Variants in RTN4IP1 observed in about 807,000 individuals in gnomAD.
The protein encoded by RTN4IP1 is NAD(P)H oxidoreductase RTN4IP1, mitochondrial.
Under a neutral mutation model 46.6 loss-of-function variants are expected in RTN4IP1, and 32 were observed. That is an observed-to-expected ratio of 0.69 (90% CI 0.52 to 0.92). The LOEUF is 0.92. Ranked by LOEUF, RTN4IP1 falls within the 40% of genes least tolerant of loss-of-function variation. The probability of loss-of-function intolerance (pLI) is 0.00; values close to 1 mark genes in which losing one functional copy is unlikely to be tolerated. For synonymous variants in RTN4IP1, 167 were observed against 161.8 expected (o/e 1.03, Z -0.24); for missense variants, 424 against 485.8 (o/e 0.87, Z 1.20).
At chr6:106,587,900 G>C in intron 6 of RTN4IP1, 38 bp from the exon 7 acceptor site, 1 of 1,545,622 alleles carries the variant, frequency 6.5e-7, no homozygotes. Flanking sequence ...TGGTTGTCAG[G>C]CTTTACACTG....
rs972934584 is a variant in RTN4IP1 at position 106,571,870 on chromosome 6, A to G, written c.*126T>C. ...GCCAAAATGGTGTGTTTATTTTTTA[A>G]AGCTTGTATCATGGAATGTATAATC... On this transcript the variant is annotated 3_prime_UTR_variant, in exon 9 of 9. Coordinates refer to ENST00000369063, the MANE Select transcript of RTN4IP1 (RefSeq NM_032730.5). The G allele has an allele frequency of 1.7e-6, 1 of 599,104 alleles. No homozygotes were observed. Among genetic ancestry groups the G allele is most frequent in the Non-Finnish European group, 3.0e-6 (1 of 337,524 alleles). The allele number at this position is 599,104 out of a possible 1,614,324, so 37.1% of individuals were successfully genotyped here.
At chr6:106,623,713 T>C (rs1776555244) in intron 1 of RTN4IP1, among the ~76,000 whole-genome samples, 1 of 152,262 alleles carries the variant, frequency 6.6e-6, no homozygotes, top group Admixed American at 6.5e-5. Context: ...GAACTTTTAG[T>C]ATTATCTTTT....
chr6:106,598,018 C>A lies in RTN4IP1; in HGVS notation c.669+4856G>T, dbSNP rs1775843967. Among the ~76,000 whole-genome samples the A allele has an allele frequency of 2.6e-5, 4 of 152,286 alleles. No individual in the cohort carries two copies. The South Asian group carries it at 8.3e-4, about 32-fold the overall frequency. Reference sequence around the variant, plus strand: ...ATTTCATCCATGTCCCTACAAAGGGCATGAACTCATCATTTTTTATGGCTG... The same window carrying A: ...ATTTCATCCATGTCCCTACAAAGGGAATGAACTCATCATTTTTTATGGCTG... On this transcript the variant is annotated intron_variant, in intron 5 of 8. Transcript: ENST00000369063.
chr6:106,604,295 T>C (rs183406216), intron 4 of RTN4IP1, among the ~76,000 whole-genome samples: 2 of 152,312 alleles, frequency 1.3e-5, no homozygotes, highest in Admixed American at 1.3e-4. Context: ...CCATTAAATG[T>C]AATTAAGCCA....
intron 4 of RTN4IP1, among the ~76,000 whole-genome samples, chr6:106,616,999 A>G (rs910686009): frequency 1.3e-5 from 2 of 151,596 alleles, no homozygotes; most frequent in Non-Finnish European, 3.0e-5. Context: ...CATGAATGGG[A>G]TTTGTGCTCT....
chr6:106,583,329 T>G lies in RTN4IP1; in HGVS notation c.1082A>C (p.Lys361Thr). 1.2e-6 allele frequency: 2 copies of G among 1,612,828 alleles called. No individual in the cohort carries two copies. The highest frequency in any genetic ancestry group is 1.7e-6 in the Non-Finnish European group (2 of 1,179,050). Residue 361 changes from lysine (K) to threonine (T), a missense_variant and splice_region_variant, in exon 8 of 9, where the codon AAG (lysine) becomes ACG (threonine). Lys to Thr is a moderately conservative substitution (Grantham distance 78, BLOSUM62 -1). Coordinates refer to ENST00000369063, the MANE Select transcript of RTN4IP1 (RefSeq NM_032730.5). The part of the protein sequence containing the change: ...DDIAELVDAG[K>T]IRPVIEQTFP... ...ATCCAGGTTTCCAGGTGCACGTACC[T>G]TTCCCGCATCCACCAGTTCTGCAAT...
chr6:106,586,702 T>C (rs1775494481), intron 7 of RTN4IP1, among the ~76,000 whole-genome samples: 1 of 152,184 alleles, frequency 6.6e-6, no homozygotes, highest in African/African-American at 2.4e-5. Context: ...ATGTATTCCA[T>C]TTTAACATCA....
chr6:106,621,112 A>G (rs563675637), intron 3 of RTN4IP1, among the ~76,000 whole-genome samples: 59 of 152,254 alleles, frequency 3.9e-4, no homozygotes, highest in African/African-American at 1.4e-3. Context: ...TCCACTGATG[A>G]CTAATCCATC....
intron 8 of RTN4IP1, among the ~76,000 whole-genome samples, chr6:106,575,327 T>A (rs756901487): frequency 1.3e-5 from 2 of 152,184 alleles, no homozygotes; most frequent in African/African-American, 4.8e-5. Flanking sequence ...CTTGGATTCA[T>A]GTGTGGGGTG....
chr6:106,577,742 G>C (rs147439299), intron 8 of RTN4IP1, among the ~76,000 whole-genome samples: 1 of 152,006 alleles, frequency 6.6e-6, no homozygotes, highest in Non-Finnish European at 1.5e-5. Flanking sequence ...GTAATCTCAG[G>C]GTCCTTATAA....
At chr6:106,581,705 G>A (rs1377768064) in intron 8 of RTN4IP1, among the ~76,000 whole-genome samples, 7 of 152,160 alleles carry the variant, frequency 4.6e-5, no homozygotes, top group African/African-American at 1.7e-4. Flanking sequence ...TCCTATTTTA[G>A]CCATTACCAG....
chr6:106,583,289 A>G (rs1256223351), intron 8 of RTN4IP1, 39 bp downstream of exon 8: 2 of 1,545,992 alleles, frequency 1.3e-6, no homozygotes, highest in South Asian at 2.3e-5. Context: ...TGCTGTAGAA[A>G]TACAAAGGCT....
intron 8 of RTN4IP1, among the ~76,000 whole-genome samples, chr6:106,579,151 G>A (rs1011306467): frequency 5.3e-5 from 8 of 151,570 alleles, no homozygotes; most frequent in East Asian, 1.9e-4. Context: ...CAGAAGAATC[G>A]CTTGAACCCA....
Position 106,629,326 on chromosome 6 carries a change from G to A in RTN4IP1, c.-305C>T, listed in dbSNP as rs1438027770. 1.9e-6 allele frequency: 1 copy of A among 530,044 alleles called. No individual in the cohort carries two copies. The highest frequency in any genetic ancestry group is 1.9e-5 in the African/African-American group (1 of 52,252). 32.8% of individuals were successfully genotyped at this position (530,044 alleles called of 1,614,324 possible). Reference sequence around the variant, plus strand: ...AAAAGGGGGGGCGGGGCATTAAAAAGCAGGTGCGCAAACCCCCTAGATCCC... The same window carrying A: ...AAAAGGGGGGGCGGGGCATTAAAAAACAGGTGCGCAAACCCCCTAGATCCC... On this transcript the variant is annotated 5_prime_UTR_variant, in exon 1 of 9. Transcript: ENST00000369063.
At chr6:106,622,037 G>C (rs1776497628) in intron 2 of RTN4IP1, among the ~76,000 whole-genome samples, 1 of 150,076 alleles carries the variant, frequency 6.7e-6, no homozygotes, top group African/African-American at 2.5e-5. Context: ...GCCCTTTCAA[G>C]GAAAAAAAAA....
At chr6:106,612,176 C>T (rs1776241020) in intron 4 of RTN4IP1, among the ~76,000 whole-genome samples, 1 of 152,004 alleles carries the variant, frequency 6.6e-6, no homozygotes, top group African/African-American at 2.4e-5. Flanking sequence ...CACCTGAGGT[C>T]AGGTGTTCGA....
chr6:106,580,497 T>A (rs1775339623), intron 8 of RTN4IP1, among the ~76,000 whole-genome samples: 1 of 151,982 alleles, frequency 6.6e-6, no homozygotes, highest in African/African-American at 2.4e-5. Flanking sequence ...GGCAGGTGGA[T>A]CATCTGAGGT....
In RTN4IP1 at chr6:106,572,161, T is replaced by C. The variant is rs552574252; in HGVS notation, c.1084-58A>G. 3.0e-6 allele frequency: 4 copies of C among 1,316,606 alleles called. No homozygotes were observed. The African/African-American group carries it at 4.4e-5, about 14-fold the overall frequency. 81.6% of individuals were successfully genotyped at this position (1,316,606 alleles called of 1,614,324 possible). ...AAAAGCCTACATCTTTCAAGGCAGA[T>C]GACATTGCTAATTAGTTTCTTGACG... On this transcript the variant is annotated intron_variant, in intron 8 of 8. Transcript: ENST00000369063.
chr6:106,589,628 T>C (rs1018998378), intron 6 of RTN4IP1, among the ~76,000 whole-genome samples: 2 of 152,134 alleles, frequency 1.3e-5, no homozygotes, highest in Admixed American at 6.5e-5. Context: ...TCCTCTGCCC[T>C]TCACTTTCTC....
Sources: allele counts gnomAD v4.1 joint callset (sites outside exome capture counted in the v4.1 genomes callset), GRCh38; gene constraint gnomAD v4.1.1; transcripts MANE v1.5; gene names NCBI Gene and HGNC (gene_info 2026-07-23, HGNC 2026-07-21).